The following ITPRID1 variants were observed in gnomAD, a reference collection of about 807,000 sequenced individuals.
ITPRID1 encodes protein ITPRID1.
ITPRID1 carries 96 observed loss-of-function variants against 95.4 expected under a neutral mutation model. The ratio of observed to expected loss-of-function variants is 1.01; its 90% CI spans 0.85 to 1.19. The LOEUF (loss-of-function observed/expected upper bound fraction) is 1.19, where lower values mean the gene tolerates loss of function less well. ITPRID1 is among the 50% of genes most tolerant of loss of function. The pLI is 0.00. For synonymous variants in ITPRID1, 510 were observed against 453.6 expected (o/e 1.12, Z -1.58); for missense variants, 1,339 against 1,252.9 (o/e 1.07, Z -1.04).
At chr7:31,630,244 C>CA (rs71557496) in intron 10 of ITPRID1, among the ~76,000 whole-genome samples, 56,847 of 103,564 alleles carry the variant, frequency 0.55, 16,781 homozygotes, top group East Asian at 0.81. Context: ...GTCTACTTGG[C>CA]AAAAAAAAAA....
intron 10 of ITPRID1, among the ~76,000 whole-genome samples, chr7:31,598,352 A>G (rs1415373895): frequency 6.6e-6 from 1 of 151,810 alleles, no homozygotes; most frequent in Non-Finnish European, 1.5e-5. Context: ...CAATTTATAT[A>G]CAATAAAATA....
chr7:31,515,938 G>A (rs1783027424), intron 1 of ITPRID1, among the ~76,000 whole-genome samples: 1 of 152,124 alleles, frequency 6.6e-6, no homozygotes, highest in South Asian at 2.1e-4. Flanking sequence ...GATGATAAAA[G>A]TACTGTGTTA....
rs1423840871 is a variant in ITPRID1 at position 31,587,463 on chromosome 7, C to A, written c.1228+4272C>A. Among the ~76,000 whole-genome samples, 5 of 149,440 alleles carry A rather than the reference C, an allele frequency of 3.3e-5. No homozygotes were observed. In the East Asian group the frequency reaches 9.8e-4, roughly 29 times the overall value. On this transcript the variant is annotated intron_variant, in intron 10 of 14. Coordinates refer to ENST00000615280, the MANE Select transcript of ITPRID1 (RefSeq NM_001257967.3). ...TGAAGGACCTCTTCAAGGAGAACTA[C>A]AAACCACTGCTCAAGGAAATAAAAG...
At position 31,653,048 on chromosome 7, in the gene ITPRID1, A is replaced by G; in HGVS notation, c.*219A>G. 1 of 1,210,640 alleles carries G rather than the reference A, an allele frequency of 8.3e-7. No homozygotes were observed. Among genetic ancestry groups the G allele is most frequent in the Non-Finnish European group, 1.1e-6 (1 of 909,458 alleles). 75.0% of individuals were successfully genotyped at this position (1,210,640 alleles called of 1,614,324 possible). ...ACCTAGTATGTGCCTGGCACAGAGT[A>G]TGCAACAGTGACTAAATAGTATACG... On this transcript the variant is annotated 3_prime_UTR_variant, in exon 15 of 15. Coordinates refer to ENST00000615280, the MANE Select transcript of ITPRID1 (RefSeq NM_001257967.3).
chr7:31,578,480 C>A, intron 9 of ITPRID1, 46 bp downstream of exon 9: 1 of 1,388,840 alleles, frequency 7.2e-7, no homozygotes, highest in Non-Finnish European at 9.8e-7. Flanking sequence ...AAATAACCTT[C>A]ACTATGACAC....
chr7:31,539,694 G>A (rs1198516236), intron 1 of ITPRID1, among the ~76,000 whole-genome samples: 1 of 152,150 alleles, frequency 6.6e-6, no homozygotes, highest in Non-Finnish European at 1.5e-5. Flanking sequence ...AGGGGCTTCT[G>A]GCTGATTTTG....
chr7:31,566,715 C>T (rs1784813062), intron 5 of ITPRID1, among the ~76,000 whole-genome samples: 1 of 152,194 alleles, frequency 6.6e-6, no homozygotes, highest in Non-Finnish European at 1.5e-5. Context: ...ACGGTGCTTG[C>T]ATCTATGACA....
At chr7:31,657,103 A>T (rs1435586559), downstream of ITPRID1, among the ~76,000 whole-genome samples, 3 of 1,946 alleles carry the variant, frequency 1.5e-3, no homozygotes, top group Non-Finnish European at 3.4e-3. Flanking sequence ...GATATATATA[A>T]AATATATATA....
At chr7:31,625,449 A>G (rs1182029422) in intron 10 of ITPRID1, among the ~76,000 whole-genome samples, 1 of 152,172 alleles carries the variant, frequency 6.6e-6, no homozygotes, top group Non-Finnish European at 1.5e-5. Flanking sequence ...GCCATAAAAA[A>G]TGATGAGTTC....
chr7:31,599,659 C>CTTT (rs1562598996), intron 10 of ITPRID1, among the ~76,000 whole-genome samples: 100 of 31,760 alleles, frequency 3.1e-3, no homozygotes, highest in South Asian at 4.2e-3. Flanking sequence ...TTCTTTCTTT[C>CTTT]CTTTCTCTCT....
intron 6 of ITPRID1, among the ~76,000 whole-genome samples, chr7:31,570,155 GATT>G (rs1784935578): frequency 6.6e-6 from 1 of 152,142 alleles, no homozygotes; most frequent in Non-Finnish European, 1.5e-5. Context: ...TAATGTAATT[GATT>G]ATTATTCTAT....
chr7:31,572,264 G>A (rs1029782400), intron 7 of ITPRID1, 76 bp downstream of exon 7: 2 of 905,110 alleles, frequency 2.2e-6, no homozygotes, highest in African/African-American at 1.7e-5. Flanking sequence ...TTATAAATAG[G>A]CACTTGTTGA....
chr7:31,581,924 A>T (rs1455186224), intron 9 of ITPRID1, among the ~76,000 whole-genome samples: 1 of 152,080 alleles, frequency 6.6e-6, no homozygotes, highest in Non-Finnish European at 1.5e-5. Context: ...AAAAAAAAAG[A>T]TGTGAAGGAT....
chr7:31,614,036 A>AC (rs970942666), intron 10 of ITPRID1, among the ~76,000 whole-genome samples: 1 of 152,204 alleles, frequency 6.6e-6, no homozygotes. Flanking sequence ...GCCATGAACA[A>AC]CCAGCTGGTA....
chr7:31,632,500 C>G (rs1195893042), intron 10 of ITPRID1, among the ~76,000 whole-genome samples: 4 of 152,052 alleles, frequency 2.6e-5, no homozygotes, highest in Non-Finnish European at 5.9e-5. Flanking sequence ...GAACCATGGT[C>G]CCAAACAAGC....
At chr7:31,516,051 T>C (rs937645475) in intron 1 of ITPRID1, among the ~76,000 whole-genome samples, 5 of 152,226 alleles carry the variant, frequency 3.3e-5, no homozygotes, top group Admixed American at 3.3e-4. Context: ...TTAAATATGG[T>C]ATTAACCACA....
At chr7:31,543,813 T>C in intron 1 of ITPRID1, among the ~76,000 whole-genome samples, 1 of 152,118 alleles carries the variant, frequency 6.6e-6, no homozygotes, top group East Asian at 1.9e-4. Context: ...ATTGTTCCTT[T>C]GGTGTCATAT....
intron 1 of ITPRID1, chr7:31,518,345 A>ATG (rs1321622749): frequency 1.3e-5 from 2 of 152,226 alleles, no homozygotes; most frequent in Non-Finnish European, 2.9e-5. Context: ...AAGGTAATAA[A>ATG]TGTGTGTTGC....
intron 7 of ITPRID1, among the ~76,000 whole-genome samples, chr7:31,572,847 G>A (rs1313864624): frequency 6.6e-6 from 1 of 152,150 alleles, no homozygotes; most frequent in African/African-American, 2.4e-5. Context: ...CCTTTGGAAA[G>A]CAGGAACTGT....
Sources: allele counts gnomAD v4.1 joint callset (sites outside exome capture counted in the v4.1 genomes callset), GRCh38; gene constraint gnomAD v4.1.1; transcripts MANE v1.5; gene names NCBI Gene and HGNC (gene_info 2026-07-23, HGNC 2026-07-21).